The following FTCDNL1 variants were observed in gnomAD, a reference collection of about 807,000 sequenced individuals.
The protein encoded by FTCDNL1 is formiminotransferase cyclodeaminase N-terminal like.
FTCDNL1 carries 11 observed loss-of-function variants against 5.9 expected under a neutral mutation model. The observed-to-expected ratio is 1.87, with a 90% CI of 1.18 to 3.10. The LOEUF (loss-of-function observed/expected upper bound fraction) is 3.10, where lower values mean the gene tolerates loss of function less well. FTCDNL1 is among the 30% of genes most tolerant of loss of function. The pLI is 0.00. For synonymous variants in FTCDNL1, 58 were observed against 24.8 expected (o/e 2.34, Z -3.99); for missense variants, 115 against 65.5 (o/e 1.76, Z -2.61).
chr2:199,684,052 A>G, the FTCDNL1 span, among the ~76,000 whole-genome samples: 6 of 152,244 alleles, frequency 3.9e-5, no homozygotes, highest in African/African-American at 1.4e-4. Flanking sequence ...CCATCAGGTA[A>G]TTAGGATGAT....
chr2:199,668,326 T>C, the FTCDNL1 span, among the ~76,000 whole-genome samples: 2 of 152,194 alleles, frequency 1.3e-5, no homozygotes, highest in Admixed American at 1.3e-4. Flanking sequence ...CATGAGAATA[T>C]GCCCAAAGAG....
chr2:199,669,918 T>C, the FTCDNL1 span, among the ~76,000 whole-genome samples: 2 of 152,184 alleles, frequency 1.3e-5, no homozygotes, highest in African/African-American at 4.8e-5. Context: ...GAGAAAGGCA[T>C]GTTATAAACC....
At chr2:199,681,290 CTAA>C in the FTCDNL1 span, among the ~76,000 whole-genome samples, 1 of 151,630 alleles carries the variant, frequency 6.6e-6, no homozygotes, top group African/African-American at 2.4e-5. Flanking sequence ...CCCATCTCTA[CTAA>C]TAATACAAAA....
intron 2 of FTCDNL1, 145 bp from the exon 3 acceptor site, chr2:199,846,315 A>G: frequency 1.7e-6 from 1 of 578,448 alleles, no homozygotes. Context: ...TAAACATGAA[A>G]TTCATGAGAG....
At chr2:199,789,762 A>G (rs1404912100) in intron 3 of FTCDNL1, among the ~76,000 whole-genome samples, 1 of 152,154 alleles carries the variant, frequency 6.6e-6, no homozygotes, top group Non-Finnish European at 1.5e-5. Context: ...AAAATTGACA[A>G]GGTAGCTGGA....
At chr2:199,696,594 C>T in the FTCDNL1 span, among the ~76,000 whole-genome samples, 3 of 151,694 alleles carry the variant, frequency 2.0e-5, no homozygotes, top group South Asian at 2.1e-4. Context: ...CTGAATCCAA[C>T]GTATAACACC....
the FTCDNL1 span, among the ~76,000 whole-genome samples, chr2:199,690,107 A>T: frequency 0.54 from 81,777 of 152,064 alleles, 23,993 homozygotes; most frequent in South Asian, 0.7. Flanking sequence ...ATATATGTGC[A>T]TATAGATATT....
intron 3 of FTCDNL1, among the ~76,000 whole-genome samples, chr2:199,821,894 G>A (rs1347856557): frequency 2.0e-5 from 3 of 152,130 alleles, no homozygotes; most frequent in Admixed American, 2.0e-4. Flanking sequence ...CATTAACACT[G>A]CTTTAAGGTA....
chr2:199,831,762 C>T (rs1421197530), intron 3 of FTCDNL1, among the ~76,000 whole-genome samples: 3 of 152,130 alleles, frequency 2.0e-5, no homozygotes, highest in East Asian at 1.9e-4. Flanking sequence ...CTGTAGTACT[C>T]GAAATTTTGA....
chr2:199,689,810 TAAAAAAAAA>T, the FTCDNL1 span, among the ~76,000 whole-genome samples: 1 of 116,954 alleles, frequency 8.6e-6, no homozygotes, highest in Admixed American at 9.2e-5. Flanking sequence ...AAACTCCGTC[TAAAAAAAAA>T]AAAAAAAAAA....
At chr2:199,789,471 A>T (rs1431067175) in intron 3 of FTCDNL1, among the ~76,000 whole-genome samples, 1 of 152,186 alleles carries the variant, frequency 6.6e-6, no homozygotes, top group Non-Finnish European at 1.5e-5. Flanking sequence ...ATAGAAGAAC[A>T]CAACTTATAA....
chr2:199,763,275 GCT>G (rs67176206), intron 3 of FTCDNL1, among the ~76,000 whole-genome samples: 3,219 of 152,236 alleles, frequency 0.021, 89 homozygotes, highest in East Asian at 0.12. Flanking sequence ...TGCTCCAGGG[GCT>G]CTGAGCGTTC....
downstream of FTCDNL1, among the ~76,000 whole-genome samples, chr2:199,805,581 T>C (rs1026701799): frequency 5.3e-5 from 8 of 151,704 alleles, no homozygotes; most frequent in African/African-American, 1.9e-4. Context: ...CTACCAAAAA[T>C]ACAAAAAATT....
At chr2:199,781,401 T>C (rs894645138) in intron 3 of FTCDNL1, among the ~76,000 whole-genome samples, 1 of 152,160 alleles carries the variant, frequency 6.6e-6, no homozygotes, top group Non-Finnish European at 1.5e-5. Context: ...AGAAGCCCTA[T>C]AAAATTTACT....
chr2:199,773,141 C>CT (rs1481707716), intron 3 of FTCDNL1, among the ~76,000 whole-genome samples: 1 of 152,102 alleles, frequency 6.6e-6, no homozygotes, highest in Non-Finnish European at 1.5e-5. Flanking sequence ...TATTTATTAT[C>CT]TTGTTGTAAT....
At chr2:199,734,872 T>C in the FTCDNL1 span, among the ~76,000 whole-genome samples, 1 of 152,186 alleles carries the variant, frequency 6.6e-6, no homozygotes. Flanking sequence ...TAAATTTCTC[T>C]TGAAACATAC....
intron 3 of FTCDNL1, among the ~76,000 whole-genome samples, chr2:199,767,713 AAGC>A (rs763336887): frequency 2.0e-5 from 3 of 152,138 alleles, no homozygotes; most frequent in Non-Finnish European, 2.9e-5. Flanking sequence ...CCTCCAGAAG[AAGC>A]AGCAACAGAC....
At chr2:199,816,962 T>C (rs1181143679) in intron 4 of FTCDNL1, among the ~76,000 whole-genome samples, 1 of 152,262 alleles carries the variant, frequency 6.6e-6, no homozygotes, top group African/African-American at 2.4e-5. Context: ...CCGCTGGTGA[T>C]ACTGCTTAGC....
At chr2:199,738,475 C>T in the FTCDNL1 span, among the ~76,000 whole-genome samples, 2 of 152,158 alleles carry the variant, frequency 1.3e-5, no homozygotes. Context: ...AAATTACTAA[C>T]TAATTAGCCT....
Sources: allele counts gnomAD v4.1 joint callset (sites outside exome capture counted in the v4.1 genomes callset), GRCh38; gene constraint gnomAD v4.1.1; transcripts MANE v1.5; gene names NCBI Gene and HGNC (gene_info 2026-07-23, HGNC 2026-07-21).